MCF2L2: variants seen among roughly 807,000 people sequenced by gnomAD.
The protein encoded by MCF2L2 is probable guanine nucleotide exchange factor MCF2L2.
In MCF2L2, 102 loss-of-function variants were observed where a neutral mutation model predicts 150.2. The ratio of observed to expected loss-of-function variants is 0.68; its 90% CI spans 0.58 to 0.80. MCF2L2 has a LOEUF of 0.80. Among genes scored for constraint, MCF2L2 ranks in the 30% least tolerant of loss-of-function variants. The probability of loss-of-function intolerance (pLI) is 0.00; values close to 1 mark genes in which losing one functional copy is unlikely to be tolerated. For synonymous variants in MCF2L2, 465 were observed against 491.3 expected (o/e 0.95, Z 0.71); for missense variants, 1,256 against 1,372.8 (o/e 0.91, Z 1.34).
intron 5 of MCF2L2, among the ~76,000 whole-genome samples, chr3:183,338,049 C>A (rs1730557161): frequency 6.6e-6 from 1 of 152,044 alleles, no homozygotes; most frequent in South Asian, 2.1e-4. Flanking sequence ...TATTTTAGAT[C>A]CGTGTTTTGT....
At chr3:183,280,932 A>C (rs1727438862) in intron 14 of MCF2L2, among the ~76,000 whole-genome samples, 1 of 152,096 alleles carries the variant, frequency 6.6e-6, no homozygotes, top group African/African-American at 2.4e-5. Context: ...ATTCACTATT[A>C]TAATCAATTT....
At chr3:183,244,871 G>A (rs919881636) in intron 15 of MCF2L2, among the ~76,000 whole-genome samples, 1 of 151,632 alleles carries the variant, frequency 6.6e-6, no homozygotes, top group Non-Finnish European at 1.5e-5. Context: ...GCCTATGTTT[G>A]GGGTGCATCT....
At chr3:183,269,980 C>T in intron 15 of MCF2L2, 1 of 1,614,056 alleles carries the variant, frequency 6.2e-7, no homozygotes, top group Middle Eastern at 1.6e-4. Context: ...GTGAATGATA[C>T]CCTGTCTCTT....
At chr3:183,253,879 G>C (rs982559170) in intron 15 of MCF2L2, 2 of 152,232 alleles carry the variant, frequency 1.3e-5, no homozygotes, top group Non-Finnish European at 2.9e-5. Context: ...TCTTTCCGCG[G>C]CCGAGGCCTC....
At chr3:183,416,259 C>T (rs73886933) in intron 1 of MCF2L2, among the ~76,000 whole-genome samples, 18,745 of 152,024 alleles carry the variant, frequency 0.12, 1,258 homozygotes, top group East Asian at 0.2. Context: ...ATGTTTATTA[C>T]AGAATCTGAG....
chr3:183,289,645 C>T (rs1289354033), intron 13 of MCF2L2, among the ~76,000 whole-genome samples: 1 of 152,184 alleles, frequency 6.6e-6, no homozygotes. Flanking sequence ...CACCTGAGGT[C>T]AGGAGTTCGA....
chr3:183,288,110 T>C (rs1261832263), intron 14 of MCF2L2, among the ~76,000 whole-genome samples: 1 of 152,228 alleles, frequency 6.6e-6, no homozygotes, highest in South Asian at 2.1e-4. Context: ...TACTTTAAAA[T>C]TATACAGTGC....
At chr3:183,233,082 G>C (rs751100730) in intron 15 of MCF2L2, among the ~76,000 whole-genome samples, 5 of 152,166 alleles carry the variant, frequency 3.3e-5, no homozygotes, top group Non-Finnish European at 7.3e-5. Flanking sequence ...CGGGCATGGT[G>C]GTTCACCCCT....
chr3:183,253,181 C>A (rs1358641917), intron 15 of MCF2L2: 1 of 5,034 alleles, frequency 2.0e-4, no homozygotes, highest in Non-Finnish European at 3.8e-4. Context: ...GGGCTCGGGC[C>A]GTGACGCCGA....
At chr3:183,255,986 T>G (rs1725012825) in intron 15 of MCF2L2, among the ~76,000 whole-genome samples, 1 of 152,168 alleles carries the variant, frequency 6.6e-6, no homozygotes. Context: ...CCAATTGCAC[T>G]AGAATCTGCA....
chr3:183,254,469 T>A (rs541238498), intron 15 of MCF2L2, among the ~76,000 whole-genome samples: 1 of 152,028 alleles, frequency 6.6e-6, no homozygotes, highest in South Asian at 2.1e-4. Context: ...GGCCAGCGGC[T>A]GGGACCCAGG....
chr3:183,392,249 C>T (rs1714196996), intron 1 of MCF2L2, among the ~76,000 whole-genome samples: 1 of 152,174 alleles, frequency 6.6e-6, no homozygotes, highest in South Asian at 2.1e-4. Flanking sequence ...AACATGGAGA[C>T]CCAGAGAGAT....
At chr3:183,271,014 C>A in intron 15 of MCF2L2, 1 of 1,331,556 alleles carries the variant, frequency 7.5e-7, no homozygotes, top group Non-Finnish European at 1.0e-6. Context: ...TCGTCTATAC[C>A]CTAAGTAAAA....
At chr3:183,340,112 C>G (rs564948923) in intron 4 of MCF2L2, among the ~76,000 whole-genome samples, 2 of 152,162 alleles carry the variant, frequency 1.3e-5, no homozygotes, top group African/African-American at 4.8e-5. Context: ...ACAATCCATG[C>G]GGCAATGGGA....
chr3:183,326,135 G>GA (rs61603366), intron 5 of MCF2L2, among the ~76,000 whole-genome samples: 23 of 150,592 alleles, frequency 1.5e-4, no homozygotes, highest in Non-Finnish European at 2.1e-4. Context: ...AGATCAATGG[G>GA]AAAAAAAAAG....
At chr3:183,328,168 C>T (rs934172193) in intron 5 of MCF2L2, among the ~76,000 whole-genome samples, 4 of 152,192 alleles carry the variant, frequency 2.6e-5, no homozygotes, top group African/African-American at 7.2e-5. Flanking sequence ...CTGGAGACAG[C>T]GTGGAAGCTC....
At chr3:183,415,809 G>A (rs1416250432) in intron 1 of MCF2L2, among the ~76,000 whole-genome samples, 7 of 151,924 alleles carry the variant, frequency 4.6e-5, no homozygotes, top group Non-Finnish European at 1.0e-4. Context: ...TATATAGTTG[G>A]CTCTTATTTT....
intron 15 of MCF2L2, among the ~76,000 whole-genome samples, chr3:183,259,208 CA>C (rs1487408110): frequency 6.6e-6 from 1 of 152,118 alleles, no homozygotes; most frequent in East Asian, 1.9e-4. Flanking sequence ...GCCAGCCTAA[CA>C]AATCTCAAGA....
At chr3:183,387,043 C>A (rs993870567) in intron 2 of MCF2L2, among the ~76,000 whole-genome samples, 1 of 152,110 alleles carries the variant, frequency 6.6e-6, no homozygotes, top group African/African-American at 2.4e-5. Context: ...ACTGTTTGAG[C>A]CCAGGAGTTC....
Sources: allele counts gnomAD v4.1 joint callset (sites outside exome capture counted in the v4.1 genomes callset), GRCh38; gene constraint gnomAD v4.1.1; transcripts MANE v1.5; gene names NCBI Gene and HGNC (gene_info 2026-07-23, HGNC 2026-07-21).